SLFN11: variants seen among roughly 807,000 people sequenced by gnomAD.
SLFN11 encodes the protein schlafen family member 11.
A neutral mutation model predicts 53.4 loss-of-function variants in SLFN11; 43 were observed. The observed-to-expected ratio is 0.80, with a 90% CI of 0.63 to 1.04. SLFN11 has a LOEUF of 1.04. SLFN11 is among the 50% of genes least tolerant of loss of function. SLFN11 has a pLI of 0.00. For synonymous variants in SLFN11, 389 were observed against 394.7 expected, an observed-to-expected ratio of 0.99 and a Z score of 0.17; for missense variants, 990 against 1,079.1, an observed-to-expected ratio of 0.92 and a Z score of 1.16.
In SLFN11 at chr17:35,352,798, T is replaced by A. The variant is rs754770413; in HGVS notation, c.2264A>T (p.Asn755Ile). 2.5e-6 allele frequency: 4 copies of A among 1,614,244 alleles called. No homozygotes were observed. The Admixed American group carries it at 6.7e-5, about 27-fold the overall frequency. The change falls in exon 7 of 7, where the codon AAC (asparagine) becomes ATC (isoleucine). Residue 755 changes from asparagine (N) to isoleucine (I), a missense_variant. Around this residue, in one of 3 missense-constraint regions of SLFN11, gnomAD observed 313 missense variants for 320.9 expected, o/e 0.98. Transcript: ENST00000685675. ...TACCTCGAGGCACCCAGTGGGGATG[T>A]TAAATGAAGGATTACTTCTAATTAC... ...MQVIRSNPSFNIPTGCLEVFP... is the reference protein window; with the variant it reads ...MQVIRSNPSFIIPTGCLEVFP...
intron 3 of SLFN11, among the ~76,000 whole-genome samples, chr17:35,364,220 T>C (rs1411299950): frequency 1.3e-5 from 2 of 152,068 alleles, no homozygotes; most frequent in Non-Finnish European, 2.9e-5. Context: ...TATCTCAGTT[T>C]AGGTTGTTGA....
rs1285699168 is a variant in SLFN11, at chr17:35,352,438, G to C, written c.2624C>G (p.Pro875Arg). ...GATCAGAACATTGGGTAAGATAGCT[G>C]GGTCAGCTGTCCTTGGATGGATCCC... ...VFGIHPRTAD[P>R]AILPNVLICL... The change falls in exon 7 of 7, where the codon CCA becomes CGA. Residue 875 changes from proline (P) to arginine (R), a missense_variant. By Grantham distance (103) the Pro-to-Arg change is moderately radical. Around this residue, in one of 3 missense-constraint regions of SLFN11, gnomAD observed 313 missense variants for 320.9 expected, o/e 0.98. Coordinates refer to ENST00000685675, the MANE Select transcript of SLFN11 (RefSeq NM_001376007.1). The C allele has an allele frequency of 3.1e-6, 5 of 1,614,074 alleles. No individual in the cohort carries two copies. In the African/African-American group the frequency reaches 6.7e-5, roughly 22 times the overall value.
At position 35,363,227 on chromosome 17, in the gene SLFN11, A is replaced by G; in HGVS notation, c.581T>C (p.Phe194Ser). 6.2e-7 allele frequency: 1 copy of G among 1,614,042 alleles called. No homozygotes were observed. ...DPNSDPADLI[F>S]QKDYLEYGEI... ...ACCATATTCAAGATAGTCTTTTTGGAAAATTAGGTCAGCAGGATCCGAGTT... is the reference window on the plus strand; with the variant it reads ...ACCATATTCAAGATAGTCTTTTTGGGAAATTAGGTCAGCAGGATCCGAGTT... The change falls in exon 4 of 7, where the codon TTC becomes TCC. Residue 194 changes from phenylalanine to serine, a missense_variant. By Grantham distance (155) the Phe-to-Ser change is radical. Around this residue, in one of 3 missense-constraint regions of SLFN11, gnomAD observed 521 missense variants for 516.2 expected, o/e 1.01. Transcript: ENST00000685675.
In SLFN11 at chr17:35,363,263, G is replaced by C; in HGVS notation, c.545C>G (p.Pro182Arg). The stretch of plus-strand genomic sequence containing the variant: ...AGCAGGATCCGAGTTTGGGTCAGCA[G>C]GATCCGAGTTAGGGAGCTCTTGGTA... ...GVYQELPNSD[P>R]ADPNSDPADL... Residue 182 changes from proline (P) to arginine (R), a missense_variant, in exon 4 of 7, where the codon CCT becomes CGT. Coordinates refer to ENST00000685675, the MANE Select transcript of SLFN11 (RefSeq NM_001376007.1). 1 of 1,614,064 alleles carries C rather than the reference G, an allele frequency of 6.2e-7. No homozygotes were observed. Among genetic ancestry groups the C allele is most frequent in the Non-Finnish European group, 8.5e-7 (1 of 1,180,000 alleles).
At chr17:35,365,117 G>T (rs559922004) in intron 3 of SLFN11, among the ~76,000 whole-genome samples, 114 of 152,172 alleles carry the variant, frequency 7.5e-4, no homozygotes, top group Non-Finnish European at 1.1e-3. Flanking sequence ...GATCCAGGAT[G>T]CAGAAGAAGG....
intron 3 of SLFN11, among the ~76,000 whole-genome samples, chr17:35,366,578 G>C (rs1395366847): frequency 6.6e-6 from 1 of 151,790 alleles, no homozygotes; most frequent in Non-Finnish European, 1.5e-5. Flanking sequence ...AGTCATCAAG[G>C]ATATATACAA....
rs561531075 is a variant in SLFN11 at position 35,354,004 on chromosome 17, T to C, written c.1254A>G (p.Ser418=). 1 of 1,613,862 alleles carries C rather than the reference T, an allele frequency of 6.2e-7. No homozygotes were observed. Among genetic ancestry groups the C allele is most frequent in the East Asian group, 2.2e-5 (1 of 44,886 alleles). Residue 418 remains serine (S), a synonymous_variant, in exon 6 of 7, where the codon TCA becomes TCG. Coordinates refer to ENST00000685675, the MANE Select transcript of SLFN11 (RefSeq NM_001376007.1). ...TPESLWRDLI[S]EHRGLEELIN... ...TTAACTCCTCTAGTCCTCTGTGCTC[T>C]GAGATCAGGTCCCTCCAGAGTGACT... is the stretch of plus-strand genomic sequence containing the variant.
intron 5 of SLFN11, chr17:35,359,926 G>C: frequency 7.6e-6 from 2 of 262,088 alleles, no homozygotes; most frequent in Non-Finnish European, 1.5e-5. Context: ...GTTATGAGTG[G>C]AGTAGGGACT....
chr17:35,364,499 A>T (rs911542773), intron 3 of SLFN11, among the ~76,000 whole-genome samples: 1 of 152,142 alleles, frequency 6.6e-6, no homozygotes, highest in African/African-American at 2.4e-5. Flanking sequence ...AAGTGTTATT[A>T]GGTTTAGTAA....
At position 35,372,306 on chromosome 17, in the gene SLFN11, C is replaced by T. The variant is rs1014589675; in HGVS notation, c.-235+1168G>A. Among the ~76,000 whole-genome samples, 9 of 151,962 alleles carry T rather than the reference C, an allele frequency of 5.9e-5. No individual in the cohort carries two copies. In the South Asian group the frequency reaches 6.2e-4, roughly 11 times the overall value. The stretch of plus-strand genomic sequence containing the variant: ...TATTCTAAGAGCAGAAGGATGACTA[C>T]CTGAGGAAGGGTGGTAGGAGGGAAG... On this transcript the variant is annotated intron_variant, in intron 1 of 6. Coordinates refer to ENST00000685675, the MANE Select transcript of SLFN11 (RefSeq NM_001376007.1).
chr17:35,353,019 A>G lies in SLFN11; in HGVS notation c.2043T>C (p.Tyr681=), dbSNP rs1181308494. The part of the protein sequence containing the change: ...QNFRTEDGDW[Y]GKAKSITRRA... ...TCCGAGTGATGCTTTTTGCCTTCCC[A>G]TACCAGTCCCCATCTTCAGTACGGA... Residue 681 remains tyrosine (Y), a synonymous_variant, in exon 7 of 7, where the codon TAT becomes TAC. Coordinates refer to ENST00000685675, the MANE Select transcript of SLFN11 (RefSeq NM_001376007.1). 2.5e-6 allele frequency: 4 copies of G among 1,614,050 alleles called. No individual in the cohort carries two copies. The African/African-American group carries it at 5.3e-5, about 22-fold the overall frequency.
chr17:35,357,552 TA>T (rs1456998863), intron 5 of SLFN11, among the ~76,000 whole-genome samples: 1 of 151,440 alleles, frequency 6.6e-6, no homozygotes, highest in Non-Finnish European at 1.5e-5. Flanking sequence ...TTACCCTATG[TA>T]TTTATGAGCA....
In SLFN11 at chr17:35,352,704, C is replaced by T; in HGVS notation, c.2358G>A (p.Glu786=). The T allele has an allele frequency of 6.2e-7, 1 of 1,614,222 alleles. No homozygotes were observed. The highest frequency in any genetic ancestry group is 8.5e-7 in the Non-Finnish European group (1 of 1,180,040). ...TLRIKKYLTV[E]QIMTCVADTC... is the part of the protein sequence containing the mutation. ...TGTCTGCCACACAGGTCATTATTTG[C>T]TCCACAGTCAAGTATTTCTTAATTC... The change falls in exon 7 of 7, where the codon GAG becomes GAA. Residue 786 remains glutamate (E), a synonymous_variant. Transcript: ENST00000685675.
Position 35,352,656 on chromosome 17 carries a change from C to T in SLFN11, c.2406G>A (p.Arg802=). 1.2e-6 allele frequency: 2 copies of T among 1,614,162 alleles called. No homozygotes were observed. Residue 802 remains arginine, a synonymous_variant, in exon 7 of 7, where the codon AGG becomes AGA. Transcript: ENST00000685675. ...VADTCRRFFD[R]GYSPKDVAVL... ...CAGCAACATCCTTTGGAGAATAGCC[C>T]CTATCAAAGAAGCGCCTGCACGTGT...
intron 5 of SLFN11, among the ~76,000 whole-genome samples, chr17:35,354,674 C>T (rs1200759117): frequency 6.6e-6 from 1 of 152,158 alleles, no homozygotes; most frequent in East Asian, 1.9e-4. Flanking sequence ...CCCACTACCA[C>T]AAAAGTCTTC....
chr17:35,361,396 T>C (rs1908193023), intron 4 of SLFN11, among the ~76,000 whole-genome samples: 1 of 152,096 alleles, frequency 6.6e-6, no homozygotes, highest in African/African-American at 2.4e-5. Context: ...CAGGACAATA[T>C]GAAACGGTAC....
At chr17:35,369,256 T>C (rs561708316) in intron 1 of SLFN11, among the ~76,000 whole-genome samples, 1 of 152,216 alleles carries the variant, frequency 6.6e-6, no homozygotes, top group East Asian at 1.9e-4. Flanking sequence ...GTCCCAGACC[T>C]GGTAGCATTC....
chr17:35,372,717 C>T (rs72825961), intron 1 of SLFN11, among the ~76,000 whole-genome samples: 15,485 of 152,160 alleles, frequency 0.1, 1,088 homozygotes, highest in South Asian at 0.28. Context: ...TTAAACATTA[C>T]ATGCCTGTCT....
chr17:35,357,448 G>T (rs1008954253), intron 5 of SLFN11, among the ~76,000 whole-genome samples: 1 of 151,290 alleles, frequency 6.6e-6, no homozygotes, highest in Admixed American at 6.6e-5. Flanking sequence ...AACTTTTCTG[G>T]CTTTTTGTTT....
Sources: allele counts gnomAD v4.1 joint callset (sites outside exome capture counted in the v4.1 genomes callset), GRCh38; gene constraint gnomAD v4.1.1; regional missense constraint gnomAD v4.1.1; transcripts MANE v1.5; gene names NCBI Gene and HGNC (gene_info 2026-07-23, HGNC 2026-07-21).